The following MIF4GD variants were observed in gnomAD, a reference collection of about 807,000 sequenced individuals.
The protein encoded by MIF4GD is MIF4G domain containing.
In MIF4GD, 22 loss-of-function variants were observed where a neutral mutation model predicts 26.7. The observed-to-expected ratio is 0.82, with a 90% CI of 0.59 to 1.18. The LOEUF is 1.18. MIF4GD is among the 50% of genes most tolerant of loss of function. The pLI, the probability that MIF4GD is intolerant of heterozygous loss-of-function variation, is 0.00. For synonymous variants in MIF4GD, 137 were observed against 111.6 expected (o/e 1.23, Z -1.43); for missense variants, 262 against 279.6 (o/e 0.94, Z 0.45).
At position 75,270,431 on chromosome 17, in the gene MIF4GD, CCTG is replaced by C. The variant is rs2077691659; in HGVS notation, c.-50-189_-50-187del. 1 of 531,210 alleles carries C rather than the reference CCTG, an allele frequency of 1.9e-6. No homozygotes were observed. Among genetic ancestry groups the C allele is most frequent in the Non-Finnish European group, 3.4e-6 (1 of 293,420 alleles). The allele number at this position is 531,210 out of a possible 1,614,324, so 32.9% of individuals were successfully genotyped here. ...GTGGGGACTGGGCATCAGCCAGGCA[CCTG>C]CTGCTCAGTTTAGAAATCCCTCGCT... is the stretch of plus-strand genomic sequence containing the variant. On this transcript the variant is annotated intron_variant, in intron 1 of 5. Transcript: ENST00000325102. This position sits in a 1 kb window ranked among gnomAD's most constrained non-coding sequence, Gnocchi z 5.7.
chr17:75,269,319 T>C (rs779020736), intron 2 of MIF4GD: 2 of 1,610,594 alleles, frequency 1.2e-6, no homozygotes, highest in African/African-American at 2.7e-5. Context: ...ACATGATGGG[T>C]GTTGCTAATT....
Position 75,270,100 on chromosome 17 carries a change from G to T in MIF4GD, c.82+14C>A. 6.2e-7 allele frequency: 1 copy of T among 1,612,498 alleles called. No individual in the cohort carries two copies. Among genetic ancestry groups the T allele is most frequent in the Non-Finnish European group, 8.5e-7 (1 of 1,178,684 alleles). On this transcript the variant is annotated intron_variant, in intron 2 of 5. Transcript: ENST00000325102. The surrounding 1 kb of genome is among the most constrained non-coding windows in gnomAD (Gnocchi z 5.7). ...TAGCTCCTGACCCCAGCTCAGGAGG[G>T]GTCCCGTGCTCACCTTTGAGTGCTG...
chr17:75,266,708 C>G lies in MIF4GD; in HGVS notation c.*32G>C. 1 of 1,600,886 alleles carries G rather than the reference C, an allele frequency of 6.2e-7. No individual in the cohort carries two copies. The highest frequency in any genetic ancestry group is 8.6e-7 in the Non-Finnish European group (1 of 1,168,098). ...CTTTAGAGGTGGGTAGAAGAAAGGC[C>G]AGTGCTGGTGAGGAAGCCCTGATCT... On this transcript the variant is annotated 3_prime_UTR_variant, in exon 6 of 6. Transcript: ENST00000325102.
Position 75,267,807 on chromosome 17 carries a change from C to T in MIF4GD, c.287G>A (p.Arg96His), listed in dbSNP as rs368647873. The T allele has an allele frequency of 1.4e-5, 23 of 1,614,002 alleles. No homozygotes were observed. The African/African-American group carries it at 1.6e-4, about 11-fold the overall frequency. ...EYQAREQLRARSLQGWVCYVT... is the reference protein window; with the variant it reads ...EYQAREQLRAHSLQGWVCYVT... ...ATAGCAGACCCAGCCCTGCAGGGAG[C>T]GTGCTCGCAGCTGCTCCCGAGCCTG... is the stretch of plus-strand genomic sequence containing the variant. Residue 96 changes from arginine (R) to histidine (H), a missense_variant, in exon 4 of 6, where the codon CGC (arginine) becomes CAC (histidine). Arg to His is a conservative substitution (Grantham distance 29). Coordinates refer to ENST00000325102, the MANE Select transcript of MIF4GD (RefSeq NM_001370592.1).
rs771259905 is a variant in MIF4GD at position 75,270,240 on chromosome 17, C to T, written c.-45G>A. ...CTCTTGACTGGGCTGGGAATAAGGA[C>T]AGCACCTGAGGAGAAGAGGCGAAGG... On this transcript the variant is annotated 5_prime_UTR_variant, in exon 2 of 6. Transcript: ENST00000325102. The surrounding 1 kb of genome is among the most constrained non-coding windows in gnomAD (Gnocchi z 5.7). 1 of 1,540,308 alleles carries T rather than the reference C, an allele frequency of 6.5e-7. No individual in the cohort carries two copies. Among genetic ancestry groups the T allele is most frequent in the Admixed American group, 1.7e-5 (1 of 59,926 alleles).
In MIF4GD at chr17:75,270,992, C is replaced by T. The variant is rs2077715694; in HGVS notation, c.-51+152G>A. ...GAGAGGTGGCTCCCGCCGGAGGCTCCCCTCTGGCCGTAGGAGGCGCCTTTA... is the reference window on the plus strand; with the variant it reads ...GAGAGGTGGCTCCCGCCGGAGGCTCTCCTCTGGCCGTAGGAGGCGCCTTTA... On this transcript the variant is annotated intron_variant, in intron 1 of 5. Transcript: ENST00000325102. The surrounding 1 kb of genome is among the most constrained non-coding windows in gnomAD (Gnocchi z 5.7). 6.6e-6 allele frequency: 1 copy of T among 152,160 alleles called. No individual in the cohort carries two copies. The highest frequency in any genetic ancestry group is 1.5e-5 in the Non-Finnish European group (1 of 68,024). The allele number at this position is 152,160 out of a possible 1,614,324, so 9.4% of individuals were successfully genotyped here. A position where few individuals can be genotyped will look rare whatever the true frequency, so the allele number is the denominator to read the frequency against.
chr17:75,268,102 A>T lies in MIF4GD; in HGVS notation c.173T>A (p.Met58Lys). ...CCCAACCTGAATGATGGCGTAGCAC[A>T]TGCGTCCTGCTTCCTTGCTGAACAC... ...DCVFSKEAGR[M>K]CYAIIQAESK... The change falls in exon 3 of 6, where the codon ATG becomes AAG. Residue 58 changes from methionine (M) to lysine (K), a missense_variant. Coordinates refer to ENST00000325102, the MANE Select transcript of MIF4GD (RefSeq NM_001370592.1). 6.2e-7 allele frequency: 1 copy of T among 1,614,198 alleles called. No individual in the cohort carries two copies. Among genetic ancestry groups the T allele is most frequent in the Non-Finnish European group, 8.5e-7 (1 of 1,180,008 alleles).
chr17:75,269,548 C>CT lies in MIF4GD; in HGVS notation c.82+565dup, dbSNP rs547476219. ...CCGTGTTCTTTTTTTTATGGTTAAA[C>CT]TTTTTTTTTTTTTTTTTTTTTTTTT... On this transcript the variant is annotated intron_variant, in intron 2 of 5. Coordinates refer to ENST00000325102, the MANE Select transcript of MIF4GD (RefSeq NM_001370592.1). The CT allele has an allele frequency of 8.7e-4, 487 of 558,684 alleles. 8 individuals are homozygous for CT. Among genetic ancestry groups the CT allele is most frequent in the African/African-American group, 7.9e-3 (234 of 29,710 alleles). The allele number at this position is 558,684 out of a possible 1,614,324, so 34.6% of individuals were successfully genotyped here. A position where few individuals can be genotyped will look rare whatever the true frequency, so the allele number is the denominator to read the frequency against.
Position 75,266,709 on chromosome 17 carries a change from A to G in MIF4GD, c.*31T>C, listed in dbSNP as rs2077494210. 6.2e-7 allele frequency: 1 copy of G among 1,601,060 alleles called. No homozygotes were observed. The highest frequency in any genetic ancestry group is 1.7e-5 in the Admixed American group (1 of 60,004). On this transcript the variant is annotated 3_prime_UTR_variant, in exon 6 of 6. Transcript: ENST00000325102. ...TTTAGAGGTGGGTAGAAGAAAGGCC[A>G]GTGCTGGTGAGGAAGCCCTGATCTG...
Position 75,266,785 on chromosome 17 carries a change from T to G in MIF4GD, c.624A>C (p.Thr208=). The change falls in exon 6 of 6, where the codon ACA becomes ACC. Residue 208 remains threonine, a synonymous_variant. Coordinates refer to ENST00000325102, the MANE Select transcript of MIF4GD (RefSeq NM_001370592.1). ...IIEFRAAGWK[T]TPAAHKYYYS... is the part of the protein sequence containing the mutation. ...AGTAATACTTGTGGGCAGCTGGCGT[T>G]GTCTTCCAGCCGGCCGCCCGGAACT... is the stretch of plus-strand genomic sequence containing the variant. 1 of 1,614,196 alleles carries G rather than the reference T, an allele frequency of 6.2e-7. No homozygotes were observed. Among genetic ancestry groups the G allele is most frequent in the Non-Finnish European group, 8.5e-7 (1 of 1,180,020 alleles).
rs142283140 is a variant in MIF4GD, at chr17:75,269,364, C to T, written c.82+750G>A. 6.2e-6 allele frequency: 10 copies of T among 1,613,908 alleles called. No individual in the cohort carries two copies. In the African/African-American group the frequency reaches 9.3e-5, roughly 15 times the overall value. On this transcript the variant is annotated intron_variant, in intron 2 of 5. Transcript: ENST00000325102. ...AGACAAACCTCTGTACTGCGTGTTA[C>T]AGCGGGAAGGCATCAGGCGAGAGCA... is the stretch of plus-strand genomic sequence containing the variant.
At chr17:75,268,991 C>T (rs927842073) in intron 2 of MIF4GD, among the ~76,000 whole-genome samples, 3 of 150,478 alleles carry the variant, frequency 2.0e-5, no homozygotes, top group Non-Finnish European at 4.4e-5. Flanking sequence ...GCAAGAAGAG[C>T]GAAACTGTCT....
In MIF4GD at chr17:75,269,966, T is replaced by C. The variant is rs2077669225; in HGVS notation, c.82+148A>G. ...AATAATGGCCTCAATGTAGCTTGTC[T>C]TCCAGTTCAAGAATTACGTTGCCGA... On this transcript the variant is annotated intron_variant, in intron 2 of 5. Coordinates refer to ENST00000325102, the MANE Select transcript of MIF4GD (RefSeq NM_001370592.1). 3.6e-5 allele frequency: 25 copies of C among 699,190 alleles called. No individual in the cohort carries two copies. In the South Asian group the frequency reaches 4.2e-4, roughly 12 times the overall value. 43.3% of individuals were successfully genotyped at this position (699,190 alleles called of 1,614,324 possible). A position where few individuals can be genotyped will look rare whatever the true frequency, so the allele number is the denominator to read the frequency against.
rs2077571056 is a variant in MIF4GD, at chr17:75,268,113, T to C, written c.162A>G (p.Glu54=). 6.2e-7 allele frequency: 1 copy of C among 1,614,106 alleles called. No individual in the cohort carries two copies. The highest frequency in any genetic ancestry group is 1.3e-5 in the African/African-American group (1 of 74,942). ...HSLQDCVFSK[E]AGRMCYAIIQ... is the part of the protein sequence containing the mutation. ...TGATGGCGTAGCACATGCGTCCTGC[T>C]TCCTTGCTGAACACACAGTCCTGCA... Residue 54 remains glutamate (E), a synonymous_variant, in exon 3 of 6, where the codon GAA becomes GAG. Coordinates refer to ENST00000325102, the MANE Select transcript of MIF4GD (RefSeq NM_001370592.1).
Position 75,266,457 on chromosome 17 carries a change from TG to T in MIF4GD, c.*282del. 1 of 504,400 alleles carries T rather than the reference TG, an allele frequency of 2.0e-6. No individual in the cohort carries two copies. The highest frequency in any genetic ancestry group is 3.6e-6 in the Non-Finnish European group (1 of 276,012). 31.2% of individuals were successfully genotyped at this position (504,400 alleles called of 1,614,324 possible). A position where few individuals can be genotyped will look rare whatever the true frequency, so the allele number is the denominator to read the frequency against. On this transcript the variant is annotated 3_prime_UTR_variant, in exon 6 of 6. Coordinates refer to ENST00000325102, the MANE Select transcript of MIF4GD (RefSeq NM_001370592.1). ...TTACCCATTTTACAGATGGGTAAAC[TG>T]AGGCACCAAGGTAGTAGTTGCACTA...
intron 2 of MIF4GD, among the ~76,000 whole-genome samples, chr17:75,268,671 CAAAAAAAA>C (rs1192409186): frequency 0.021 from 1,018 of 47,874 alleles, 14 homozygotes; most frequent in African/African-American, 0.069. Flanking sequence ...GACTCCGTCT[CAAAAAAAA>C]AAAAAAAAAG....
rs754208867 is a variant in MIF4GD, at chr17:75,266,754, C to T, written c.655G>A (p.Glu219Lys). The T allele has an allele frequency of 1.4e-5, 22 of 1,614,082 alleles. No individual in the cohort carries two copies. The highest frequency in any genetic ancestry group is 2.7e-5 in the African/African-American group (2 of 74,922). ...GATCTGGAGGCCTAGTCGGAGACTTCGCTGTAGTAATACTTGTGGGCAGCT... is the reference window on the plus strand; with the variant it reads ...GATCTGGAGGCCTAGTCGGAGACTTTGCTGTAGTAATACTTGTGGGCAGCT... ...TPAAHKYYYS[E>K]VSD The change falls in exon 6 of 6, where the codon GAA becomes AAA. Residue 219 changes from glutamate (E) to lysine (K), a missense_variant. By Grantham distance (56) the Glu-to-Lys change is moderately conservative. Coordinates refer to ENST00000325102, the MANE Select transcript of MIF4GD (RefSeq NM_001370592.1).
Position 75,266,777 on chromosome 17 carries a change from G to T in MIF4GD, c.632C>A (p.Ala211Asp). 6.2e-7 allele frequency: 1 copy of T among 1,614,234 alleles called. No individual in the cohort carries two copies. The highest frequency in any genetic ancestry group is 2.2e-5 in the East Asian group (1 of 44,890). The change falls in exon 6 of 6, where the codon GCT becomes GAT. Residue 211 changes from alanine (A) to aspartate (D), a missense_variant. Physicochemically the swap from Ala to Asp is moderately radical, Grantham distance 126. Coordinates refer to ENST00000325102, the MANE Select transcript of MIF4GD (RefSeq NM_001370592.1). ...FRAAGWKTTP[A>D]AHKYYYSEVS... ...TTCGCTGTAGTAATACTTGTGGGCA[G>T]CTGGCGTTGTCTTCCAGCCGGCCGC...
At position 75,270,499 on chromosome 17, in the gene MIF4GD, C is replaced by T. The variant is rs1454906938; in HGVS notation, c.-50-254G>A. 3 of 332,862 alleles carry T rather than the reference C, an allele frequency of 9.0e-6. No individual in the cohort carries two copies. The highest frequency in any genetic ancestry group is 5.7e-6 in the Non-Finnish European group (1 of 174,974). 20.6% of individuals were successfully genotyped at this position (332,862 alleles called of 1,614,324 possible). ...AGAGCGAGAAGCTGAAGCAGGAAAG[C>T]GCCCACCCTCCAGTCCCAGCAGGAG... is the stretch of plus-strand genomic sequence containing the variant. On this transcript the variant is annotated intron_variant, in intron 1 of 5. Transcript: ENST00000325102. This position sits in a 1 kb window ranked among gnomAD's most constrained non-coding sequence, Gnocchi z 5.7.
Sources: allele counts gnomAD v4.1 joint callset (sites outside exome capture counted in the v4.1 genomes callset), GRCh38; gene constraint gnomAD v4.1.1; non-coding constraint Gnocchi (gnomAD v3.1); transcripts MANE v1.5; gene names NCBI Gene and HGNC (gene_info 2026-07-23, HGNC 2026-07-21).